ITGAV: variants seen among roughly 807,000 people sequenced by gnomAD.
ITGAV encodes integrin subunit alpha V, also known as integrin alpha-V.
ITGAV carries 76 observed loss-of-function variants against 143.8 expected under a neutral mutation model. That is an observed-to-expected ratio of 0.53 (90% CI 0.44 to 0.64). The LOEUF (loss-of-function observed/expected upper bound fraction) is 0.64, where lower values mean the gene tolerates loss of function less well. ITGAV is among the 30% of genes least tolerant of loss of function. The probability of loss-of-function intolerance (pLI) is 0.00; values close to 1 mark genes in which losing one functional copy is unlikely to be tolerated. For synonymous variants in ITGAV, 453 were observed against 446.7 expected (o/e 1.01, Z -0.18); for missense variants, 1,193 against 1,274.7 (o/e 0.94, Z 0.98).
At chr2:186,638,520 T>C (rs190678982) in intron 10 of ITGAV, 55 bp downstream of exon 10, 47 of 1,388,988 alleles carry the variant, frequency 3.4e-5, no homozygotes, top group Non-Finnish European at 4.0e-5. Flanking sequence ...TATGTACTCA[T>C]TGGAGAAAAT....
rs978922929 is a variant in ITGAV at position 186,677,447 on chromosome 2, T to G, written c.*155T>G. On this transcript the variant is annotated 3_prime_UTR_variant, in exon 30 of 30. Transcript: ENST00000261023. ...AAAATGAGAATTATATTTGTCAACC[T>G]TCTCCTTATAAATAAGTTCAGACAT... 1.7e-6 allele frequency: 1 copy of G among 591,356 alleles called. No individual in the cohort carries two copies. The highest frequency in any genetic ancestry group is 1.9e-5 in the African/African-American group (1 of 53,466). The allele number at this position is 591,356 out of a possible 1,614,324, so 36.6% of individuals were successfully genotyped here.
At chr2:186,630,718 G>A (rs935433223) in intron 4 of ITGAV, 79 bp from the exon 5 acceptor site, 2 of 773,774 alleles carry the variant, frequency 2.6e-6, no homozygotes. Flanking sequence ...TATGATTCTA[G>A]TGATATCAGA....
At chr2:186,603,501 T>G (rs1401384744) in intron 2 of ITGAV, among the ~76,000 whole-genome samples, 1 of 152,194 alleles carries the variant, frequency 6.6e-6, no homozygotes, top group Non-Finnish European at 1.5e-5. Context: ...ACTCTGTTGT[T>G]GTATTTTTCC....
At chr2:186,603,361 G>C (rs919933480) in intron 2 of ITGAV, among the ~76,000 whole-genome samples, 1 of 152,158 alleles carries the variant, frequency 6.6e-6, no homozygotes, top group Non-Finnish European at 1.5e-5. Context: ...TCATGATGTG[G>C]ACTGTTCCAT....
chr2:186,665,049 GA>G, intron 20 of ITGAV, 76 bp from the exon 21 acceptor site: 1 of 966,488 alleles, frequency 1.0e-6, no homozygotes, highest in Non-Finnish European at 1.6e-6. Context: ...CTTAGGACAA[GA>G]AACTGAAATA....
intron 24 of ITGAV, among the ~76,000 whole-genome samples, chr2:186,668,222 T>A (rs367625364): frequency 1.8e-3 from 81 of 44,412 alleles, no homozygotes; most frequent in East Asian, 4.0e-3. Context: ...ATATATTTTT[T>A]TTTTTTTTTT....
chr2:186,616,273 A>ATTTTTTTTTTTTTTTTTT (rs35938539), intron 2 of ITGAV, among the ~76,000 whole-genome samples: 1 of 79,694 alleles, frequency 1.3e-5, no homozygotes, highest in African/African-American at 4.6e-5. Context: ...GATATACCTT[A>ATTTTTTTTTTTTTTTTTT]TTTTTTTTTT....
chr2:186,616,854 C>G (rs2105677843), intron 2 of ITGAV, among the ~76,000 whole-genome samples: 1 of 151,618 alleles, frequency 6.6e-6, no homozygotes, highest in Middle Eastern at 3.4e-3. Context: ...CTTCCACTAA[C>G]CTGTCCATTT....
At chr2:186,649,245 T>C (rs1688355470) in intron 13 of ITGAV, among the ~76,000 whole-genome samples, 1 of 151,970 alleles carries the variant, frequency 6.6e-6, no homozygotes, top group Admixed American at 6.6e-5. Flanking sequence ...AGTTTTAAAC[T>C]TTTATGTTAT....
chr2:186,658,498 T>C (rs1450812827), intron 17 of ITGAV, among the ~76,000 whole-genome samples: 1 of 152,080 alleles, frequency 6.6e-6, no homozygotes, highest in Non-Finnish European at 1.5e-5. Context: ...ATTTCTGTAA[T>C]AGCAAAAACA....
At chr2:186,648,098 AAAACAT>A (rs1688312202) in intron 13 of ITGAV, among the ~76,000 whole-genome samples, 1 of 152,196 alleles carries the variant, frequency 6.6e-6, no homozygotes, top group African/African-American at 2.4e-5. Context: ...TTATTCTTCT[AAAACAT>A]GAATTTTCTG....
chr2:186,654,332 C>CA (rs199965377), intron 15 of ITGAV, among the ~76,000 whole-genome samples: 1,046 of 84,724 alleles, frequency 0.012, 7 homozygotes, highest in Middle Eastern at 0.07. Flanking sequence ...GACTCTGTCT[C>CA]AAAAAAAAAA....
At chr2:186,618,047 C>T (rs531096903) in intron 2 of ITGAV, among the ~76,000 whole-genome samples, 1 of 152,324 alleles carries the variant, frequency 6.6e-6, no homozygotes, top group East Asian at 1.9e-4. Flanking sequence ...GCCAGTTTCA[C>T]CCAGGTCATG....
At chr2:186,625,980 C>G (rs934952012) in intron 4 of ITGAV, among the ~76,000 whole-genome samples, 8 of 152,238 alleles carry the variant, frequency 5.3e-5, no homozygotes, top group Middle Eastern at 3.4e-3. Context: ...GCACTTTTAA[C>G]AGACTCTACA....
chr2:186,667,165 C>G lies in ITGAV; in HGVS notation c.2262C>G (p.Asp754Glu). Residue 754 changes from aspartate (D) to glutamate (E), a missense_variant, in exon 23 of 30, where the codon GAC becomes GAG. Physicochemically the swap from Asp to Glu is conservative, Grantham distance 45 (BLOSUM62 2). Coordinates refer to ENST00000261023, the MANE Select transcript of ITGAV (RefSeq NM_002210.5). ...DLQIQSSNLF[D>E]KVSPVVSHKV... The stretch of plus-strand genomic sequence containing the variant: ...TCTTTTTCAGCTCAAATCTATTTGA[C>G]AAAGTAAGCCCAGTTGTATCTCACA... The G allele has an allele frequency of 6.2e-7, 1 of 1,606,520 alleles. No homozygotes were observed.
intron 1 of ITGAV, chr2:186,600,193 A>G: frequency 1.4e-6 from 1 of 726,930 alleles, no homozygotes. Context: ...CCCCTCCTTC[A>G]GCCATACCTT....
In ITGAV at chr2:186,667,129, GT is replaced by G. The variant is rs200132922; in HGVS notation, c.2247-10del. The G allele has an allele frequency of 2.9e-3, 3,701 of 1,260,702 alleles. 2 individuals are homozygous for G. The highest frequency in any genetic ancestry group is 3.7e-3 in the South Asian group (258 of 69,474). The allele number at this position is 1,260,702 out of a possible 1,614,324, so 78.1% of individuals were successfully genotyped here. The stretch of plus-strand genomic sequence containing the variant: ...GTTGTTATGCATAATTCATTTTTAA[GT>G]TTTTTTTTTTCTTTTTCAGCTCAAA... On this transcript the variant is annotated intron_variant, in intron 22 of 29. Coordinates refer to ENST00000261023, the MANE Select transcript of ITGAV (RefSeq NM_002210.5).
At chr2:186,669,479 G>A (rs1689002508) in intron 25 of ITGAV, among the ~76,000 whole-genome samples, 2 of 152,160 alleles carry the variant, frequency 1.3e-5, no homozygotes, top group Non-Finnish European at 2.9e-5. Flanking sequence ...AGCAAGGGCT[G>A]AAAATAATGG....
chr2:186,630,517 T>C (rs1489575557), intron 4 of ITGAV, among the ~76,000 whole-genome samples: 2 of 152,056 alleles, frequency 1.3e-5, no homozygotes, highest in African/African-American at 4.8e-5. Context: ...TTTTGTGGAT[T>C]GTGGTTAACT....
Sources: allele counts gnomAD v4.1 joint callset (sites outside exome capture counted in the v4.1 genomes callset), GRCh38; gene constraint gnomAD v4.1.1; transcripts MANE v1.5; gene names NCBI Gene and HGNC (gene_info 2026-07-23, HGNC 2026-07-21).